Variants in ADAM19 observed in about 807,000 individuals in gnomAD.
The protein encoded by ADAM19 is disintegrin and metalloproteinase domain-containing protein 19.
A neutral mutation model predicts 114.7 loss-of-function variants in ADAM19; 65 were observed. That is an observed-to-expected ratio of 0.57 (90% CI 0.46 to 0.70). The LOEUF is 0.70. Among genes scored for constraint, ADAM19 ranks in the 30% least tolerant of loss-of-function variants. ADAM19 has a pLI of 0.00. For missense variants in ADAM19, 1,063 were observed against 1,204.7 expected (o/e 0.88, Z 1.74); for synonymous variants, 466 against 460.5 (o/e 1.01, Z -0.15).
At chr5:157,481,496 CA>C (rs1754745419) in intron 22 of ADAM19, 1 of 1,037,446 alleles carries the variant, frequency 9.6e-7, no homozygotes, top group Non-Finnish European at 1.4e-6. Context: ...AGCCTCTGTA[CA>C]AATGAGGAAA....
At chr5:157,538,363 G>T (rs1756823866) in intron 3 of ADAM19, among the ~76,000 whole-genome samples, 2 of 152,166 alleles carry the variant, frequency 1.3e-5, no homozygotes, top group Non-Finnish European at 2.9e-5. Flanking sequence ...TCCAGCACTG[G>T]ATCTACCAAT....
intron 16 of ADAM19, 64 bp downstream of exon 16, chr5:157,492,909 G>T: frequency 6.4e-7 from 1 of 1,568,868 alleles, no homozygotes; most frequent in Non-Finnish European, 8.8e-7. Context: ...CCTTCCCTCA[G>T]ACCTCACTTC....
intron 3 of ADAM19, among the ~76,000 whole-genome samples, chr5:157,557,948 G>A (rs1318451427): frequency 1.3e-5 from 2 of 152,164 alleles, no homozygotes; most frequent in Non-Finnish European, 2.9e-5. Context: ...GCTGGGGTGG[G>A]GTTGAGAGTT....
chr5:157,477,859 A>T lies in ADAM19; in HGVS notation c.*3090T>A. Reference sequence around the variant, plus strand: ...GGGGAAGGGACTATGGCAATACAAAAAAACACTCCAACCAGAAAATCAGCA... The same window carrying T: ...GGGGAAGGGACTATGGCAATACAAATAAACACTCCAACCAGAAAATCAGCA... On this transcript the variant is annotated 3_prime_UTR_variant, in exon 23 of 23. Coordinates refer to ENST00000257527, the MANE Select transcript of ADAM19 (RefSeq NM_033274.5). 4.0e-6 allele frequency: 2 copies of T among 501,322 alleles called. No individual in the cohort carries two copies. Among genetic ancestry groups the T allele is most frequent in the East Asian group, 7.2e-5 (1 of 13,804 alleles). The allele number at this position is 501,322 out of a possible 1,614,324, so 31.1% of individuals were successfully genotyped here. A position where few individuals can be genotyped will look rare whatever the true frequency, so the allele number is the denominator to read the frequency against.
intron 5 of ADAM19, among the ~76,000 whole-genome samples, chr5:157,528,778 G>C (rs1412314975): frequency 6.6e-6 from 1 of 152,112 alleles, no homozygotes; most frequent in East Asian, 1.9e-4. Context: ...ATGTTTAAAA[G>C]TACTATAATT....
intron 6 of ADAM19, 34 bp from the exon 7 acceptor site, chr5:157,518,922 T>C (rs1440444624): frequency 1.3e-6 from 2 of 1,584,394 alleles, no homozygotes; most frequent in Non-Finnish European, 1.7e-6. Context: ...GCTGTAGAAA[T>C]AGTGGACTTG....
At chr5:157,549,950 A>C (rs1206476614) in intron 3 of ADAM19, among the ~76,000 whole-genome samples, 1 of 152,256 alleles carries the variant, frequency 6.6e-6, no homozygotes, top group Non-Finnish European at 1.5e-5. Flanking sequence ...CTACAACACG[A>C]ATAAACCTCA....
intron 3 of ADAM19, among the ~76,000 whole-genome samples, chr5:157,561,687 C>A (rs1029278574): frequency 6.6e-6 from 1 of 152,114 alleles, no homozygotes; most frequent in African/African-American, 2.4e-5. Context: ...ACCTGAAAGG[C>A]CTTCCCTGAC....
In ADAM19 at chr5:157,571,630, A is replaced by T. The variant is rs1482508171; in HGVS notation, c.95-650T>A. On this transcript the variant is annotated intron_variant, in intron 1 of 22. Coordinates refer to ENST00000257527, the MANE Select transcript of ADAM19 (RefSeq NM_033274.5). The stretch of plus-strand genomic sequence containing the variant: ...ATGATCTGTGTTAAGTTTAAAAAAG[A>T]TCACTCTGCCTGCGTGGTGGAGAAT... 3.3e-5 allele frequency among the ~76,000 whole-genome samples: 5 copies of T among 152,158 alleles called. No individual in the cohort carries two copies. In the East Asian group the frequency reaches 9.6e-4, roughly 29 times the overall value.
chr5:157,531,869 A>C (rs1380597719), intron 4 of ADAM19, among the ~76,000 whole-genome samples: 1 of 152,174 alleles, frequency 6.6e-6, no homozygotes, highest in Non-Finnish European at 1.5e-5. Flanking sequence ...AGAAGCCACC[A>C]GAAGCTAGAA....
At chr5:157,539,701 C>T (rs1172650613) in intron 3 of ADAM19, among the ~76,000 whole-genome samples, 2 of 152,172 alleles carry the variant, frequency 1.3e-5, no homozygotes. Context: ...GGCTAACCTG[C>T]CAGAATCTGT....
intron 11 of ADAM19, 58 bp from the exon 12 acceptor site, chr5:157,503,038 G>GTGTCACTCGTGC: frequency 6.5e-7 from 1 of 1,529,384 alleles, no homozygotes; most frequent in East Asian, 2.3e-5. Flanking sequence ...AGTCAGGCAG[G>GTGTCACTCGTGC]TGTCACTCGT....
Position 157,519,996 on chromosome 5 carries a change from A to G in ADAM19, c.443T>C (p.Val148Ala). The change falls in exon 6 of 23, where the codon GTC becomes GCC. Residue 148 changes from valine to alanine, a missense_variant. By Grantham distance (64) the Val-to-Ala change is moderately conservative (BLOSUM62 0). Coordinates refer to ENST00000257527, the MANE Select transcript of ADAM19 (RefSeq NM_033274.5). ...LITVSSNLSYVIEPLPDSKGQ... is the reference protein window; with the variant it reads ...LITVSSNLSYAIEPLPDSKGQ... The stretch of plus-strand genomic sequence containing the variant: ...CTTGCTGTCAGGGAGGGGCTCGATG[A>G]CGTAGCTGAGGTTGCTGCTCACCGT... 1.2e-6 allele frequency: 2 copies of G among 1,614,090 alleles called. No individual in the cohort carries two copies. Among genetic ancestry groups the G allele is most frequent in the Non-Finnish European group, 1.7e-6 (2 of 1,179,992 alleles).
At chr5:157,526,171 T>TACACAC (rs764679784) in intron 5 of ADAM19, among the ~76,000 whole-genome samples, 13 of 147,732 alleles carry the variant, frequency 8.8e-5, no homozygotes, top group African/African-American at 3.3e-4. Context: ...TATATATATA[T>TACACAC]ATACACACAC....
chr5:157,477,811 G>T lies in ADAM19; in HGVS notation c.*3138C>A. The T allele has an allele frequency of 9.6e-7, 1 of 1,039,404 alleles. No homozygotes were observed. Among genetic ancestry groups the T allele is most frequent in the Non-Finnish European group, 1.3e-6 (1 of 761,376 alleles). The allele number at this position is 1,039,404 out of a possible 1,614,324, so 64.4% of individuals were successfully genotyped here. On this transcript the variant is annotated 3_prime_UTR_variant, in exon 23 of 23. Transcript: ENST00000257527. The stretch of plus-strand genomic sequence containing the variant: ...AGATTGGAAAGGCGTATTGCAGGAG[G>T]TGGGGAGGGGCTATTGCTTCAGGGG...
Position 157,480,266 on chromosome 5 carries a change from G to A in ADAM19, c.*683C>T, listed in dbSNP as rs908733638. The stretch of plus-strand genomic sequence containing the variant: ...CACGGCTCAGAGGAAGCCCAAGCCC[G>A]GTGCTCCTCCTGCTGTCTACACTGC... On this transcript the variant is annotated 3_prime_UTR_variant, in exon 23 of 23. Coordinates refer to ENST00000257527, the MANE Select transcript of ADAM19 (RefSeq NM_033274.5). 14 of 985,712 alleles carry A rather than the reference G, an allele frequency of 1.4e-5. No homozygotes were observed. The South Asian group carries it at 2.3e-4, about 17-fold the overall frequency. The allele number at this position is 985,712 out of a possible 1,614,324, so 61.1% of individuals were successfully genotyped here.
At chr5:157,521,289 T>C (rs1432361106) in intron 5 of ADAM19, among the ~76,000 whole-genome samples, 1 of 152,182 alleles carries the variant, frequency 6.6e-6, no homozygotes, top group Non-Finnish European at 1.5e-5. Context: ...CAAGGCTTAG[T>C]GGGAGGAGGA....
At chr5:157,562,173 G>A (rs879207378) in intron 3 of ADAM19, among the ~76,000 whole-genome samples, 1 of 152,194 alleles carries the variant, frequency 6.6e-6, no homozygotes, top group Non-Finnish European at 1.5e-5. Context: ...TTGGAGTTCC[G>A]CTCACTAACA....
At chr5:157,575,542 C>A in intron 1 of ADAM19, 61 bp downstream of exon 1, 1 of 1,287,672 alleles carries the variant, frequency 7.8e-7, no homozygotes. Flanking sequence ...TCCGGACCCG[C>A]AAGGCTACTC....
Sources: allele counts gnomAD v4.1 joint callset (sites outside exome capture counted in the v4.1 genomes callset), GRCh38; gene constraint gnomAD v4.1.1; transcripts MANE v1.5; gene names NCBI Gene and HGNC (gene_info 2026-07-23, HGNC 2026-07-21).